The following AMZ2 variants were observed in gnomAD, a reference collection of about 807,000 sequenced individuals.
AMZ2 encodes the protein archaemetzincin-2.
Under a neutral mutation model 36.7 loss-of-function variants are expected in AMZ2, and 26 were observed. The ratio of observed to expected loss-of-function variants is 0.71; its 90% CI spans 0.52 to 0.98. The LOEUF (loss-of-function observed/expected upper bound fraction) is 0.98, where lower values mean the gene tolerates loss of function less well. AMZ2 is among the 50% of genes least tolerant of loss of function. The pLI is 0.00. For synonymous variants in AMZ2, 144 were observed against 149.1 expected (o/e 0.97, Z 0.25); for missense variants, 394 against 430.5 (o/e 0.92, Z 0.75).
At chr17:68,224,245 G>T (rs2073452696) in intron 1 of AMZ2, among the ~76,000 whole-genome samples, 1 of 152,176 alleles carries the variant, frequency 6.6e-6, no homozygotes, top group African/African-American at 2.4e-5. Context: ...GCCCGCTAAT[G>T]GATTTTCTAG....
chr17:68,249,068 C>G, intron 1 of AMZ2: 2 of 1,187,156 alleles, frequency 1.7e-6, no homozygotes, highest in Non-Finnish European at 2.1e-6. Context: ...TATATAGGAA[C>G]ACGATGTGAA....
Position 68,248,685 on chromosome 17 carries a change from G to C in AMZ2, c.-21G>C. ...CCTTGTAAGTTAAAAGCTTCCATGG[G>C]AGCCTTCCTTCCTAATCAAGGTAGG... On this transcript the variant is annotated 5_prime_UTR_variant, in exon 1 of 7. Coordinates refer to ENST00000359904, the MANE Select transcript of AMZ2 (RefSeq NM_016627.5). The C allele has an allele frequency of 1.0e-6, 1 of 986,332 alleles. No homozygotes were observed. Among genetic ancestry groups the C allele is most frequent in the South Asian group, 4.7e-5 (1 of 21,294 alleles). 61.1% of individuals were successfully genotyped at this position (986,332 alleles called of 1,614,324 possible).
chr17:68,212,910 T>A (rs571817900), intron 1 of AMZ2, among the ~76,000 whole-genome samples: 16 of 152,278 alleles, frequency 1.1e-4, no homozygotes, highest in African/African-American at 3.8e-4. Context: ...CAACTTCCTT[T>A]TTTCCTGTTC....
chr17:68,246,062 T>C (rs2073995286), upstream of AMZ2, among the ~76,000 whole-genome samples: 1 of 151,882 alleles, frequency 6.6e-6, no homozygotes. Flanking sequence ...TCCCTGCACT[T>C]TGGGAGGCCG....
chr17:68,245,152 A>C (rs79432114), upstream of AMZ2, among the ~76,000 whole-genome samples: 2,284 of 152,114 alleles, frequency 0.015, 52 homozygotes, highest in African/African-American at 0.052. Context: ...CATATTAGTT[A>C]ACAGGCAAAA....
chr17:68,218,800 C>CAGCT (rs1182323612), intron 1 of AMZ2, among the ~76,000 whole-genome samples: 1 of 152,178 alleles, frequency 6.6e-6, no homozygotes, highest in African/African-American at 2.4e-5. Flanking sequence ...ACTGTCCCAC[C>CAGCT]AGCTGCTCAA....
chr17:68,251,697 A>G (rs1490481272), intron 4 of AMZ2, among the ~76,000 whole-genome samples: 9 of 152,150 alleles, frequency 5.9e-5, no homozygotes, highest in South Asian at 2.1e-4. Flanking sequence ...GGCCTGGCAT[A>G]TATATAGGCA....
intron 1 of AMZ2, among the ~76,000 whole-genome samples, chr17:68,208,066 G>T (rs1161693361): frequency 1.3e-5 from 2 of 152,294 alleles, no homozygotes; most frequent in Admixed American, 1.3e-4. Flanking sequence ...CAGCACTTGG[G>T]ACCTGCAGCC....
intron 1 of AMZ2, among the ~76,000 whole-genome samples, chr17:68,218,959 C>CTA (rs1368269084): frequency 2.0e-5 from 3 of 152,134 alleles, no homozygotes; most frequent in Admixed American, 2.0e-4. Context: ...CTAAAGTGGT[C>CTA]TATATGTAAC....
At chr17:68,236,740 T>C (rs1444738440) in intron 1 of AMZ2, among the ~76,000 whole-genome samples, 2 of 132,612 alleles carry the variant, frequency 1.5e-5, no homozygotes, top group Non-Finnish European at 3.1e-5. Context: ...TCCCAGCTAA[T>C]TTTTTTTTTA....
chr17:68,251,349 G>A (rs868966481), intron 4 of AMZ2, 171 bp downstream of exon 4: 2 of 712,762 alleles, frequency 2.8e-6, no homozygotes, highest in East Asian at 6.3e-5. Context: ...TGATAATCTA[G>A]GTTCTGGTTG....
At chr17:68,237,076 C>T (rs1297146105) in intron 1 of AMZ2, among the ~76,000 whole-genome samples, 1 of 152,124 alleles carries the variant, frequency 6.6e-6, no homozygotes, top group Non-Finnish European at 1.5e-5. Flanking sequence ...CTTTATTGAA[C>T]TTATGTATAA....
At chr17:68,226,017 G>A (rs368028275) in intron 1 of AMZ2, among the ~76,000 whole-genome samples, 18 of 152,216 alleles carry the variant, frequency 1.2e-4, no homozygotes, top group African/African-American at 4.3e-4. Flanking sequence ...TTTGGCTTTT[G>A]GAGTATGAAA....
At chr17:68,222,122 G>C (rs1175590057) in intron 1 of AMZ2, among the ~76,000 whole-genome samples, 1 of 152,256 alleles carries the variant, frequency 6.6e-6, no homozygotes, top group Non-Finnish European at 1.5e-5. Context: ...GTGGAGGGAA[G>C]AGGGTGAAAC....
intron 1 of AMZ2, among the ~76,000 whole-genome samples, chr17:68,221,014 C>T (rs536811566): frequency 6.6e-6 from 1 of 151,978 alleles, no homozygotes; most frequent in South Asian, 2.1e-4. Flanking sequence ...GAACTCCTGA[C>T]TTCAGGTGAT....
At chr17:68,212,998 C>T (rs36123298) in intron 1 of AMZ2, among the ~76,000 whole-genome samples, 35,196 of 152,146 alleles carry the variant, frequency 0.23, 4,352 homozygotes, top group South Asian at 0.29. Context: ...GGAACCAATT[C>T]ATTACCATTA....
Position 68,230,753 on chromosome 17 carries a change from C to T in AMZ2, c.-66-17887C>T, listed in dbSNP as rs189225541. 6.6e-5 allele frequency among the ~76,000 whole-genome samples: 10 copies of T among 152,274 alleles called. No homozygotes were observed. The East Asian group carries it at 1.9e-3, about 29-fold the overall frequency. On this transcript the variant is annotated intron_variant, in intron 1 of 7. Coordinates refer to the AMZ2 transcript ENST00000674770. Reference sequence around the variant, plus strand: ...GGAGGGCCTCTCATGCTGCTTACCCCTTCCTCACCAAGCACTTCCCCTGGC... The same window carrying T: ...GGAGGGCCTCTCATGCTGCTTACCCTTTCCTCACCAAGCACTTCCCCTGGC...
At chr17:68,251,992 G>T (rs1465652896) in intron 4 of AMZ2, among the ~76,000 whole-genome samples, 6 of 151,844 alleles carry the variant, frequency 4.0e-5, no homozygotes, top group African/African-American at 1.5e-4. Flanking sequence ...GGATGGGAAA[G>T]GTTCTGCAAA....
intron 1 of AMZ2, among the ~76,000 whole-genome samples, chr17:68,209,572 A>G (rs2072954322): frequency 1.4e-5 from 2 of 146,606 alleles, no homozygotes; most frequent in Non-Finnish European, 3.0e-5. Context: ...ATAGAAGAAA[A>G]TAATTGTGGG....
Sources: allele counts gnomAD v4.1 joint callset (sites outside exome capture counted in the v4.1 genomes callset), GRCh38; gene constraint gnomAD v4.1.1; transcripts MANE v1.5; gene names NCBI Gene and HGNC (gene_info 2026-07-23, HGNC 2026-07-21).